EDA: variants seen among roughly 807,000 people sequenced by gnomAD.
EDA encodes ectodysplasin A.
In EDA, 2 loss-of-function variants were observed where a neutral mutation model predicts 23.6. The ratio of observed to expected loss-of-function variants is 0.08; its 90% CI spans 0.03 to 0.27. EDA has a LOEUF of 0.27. Ranked by LOEUF, EDA falls within the 10% of genes least tolerant of loss-of-function variation. EDA has a pLI of 1.00. For missense variants in EDA, 229 were observed against 324.2 expected (o/e 0.71, Z 2.26); for synonymous variants, 131 against 132.0 (o/e 0.99, Z 0.05).
chrX:69,843,478 A>G (rs965739555), intron 1 of EDA, among the ~76,000 whole-genome samples: 1 of 111,723 alleles, frequency 9.0e-6, no homozygotes. Flanking sequence ...CTCTTTAGTC[A>G]TACTCACCAT....
intron 2 of EDA, among the ~76,000 whole-genome samples, chrX:69,981,336 A>G (rs1320902318): frequency 8.9e-6 from 1 of 112,014 alleles, no homozygotes; most frequent in Non-Finnish European, 1.9e-5. Context: ...GTACTGTAGA[A>G]TAGAAGAGAA....
intron 1 of EDA, among the ~76,000 whole-genome samples, chrX:69,857,995 G>T (rs1368343520): frequency 1.8e-5 from 2 of 111,675 alleles, no homozygotes; most frequent in African/African-American, 6.5e-5. Flanking sequence ...TGTGGCAATT[G>T]TGAATGAGAT....
At chrX:69,622,702 G>T (rs1387300828) in intron 1 of EDA, among the ~76,000 whole-genome samples, 1 of 111,563 alleles carries the variant, frequency 9.0e-6, no homozygotes, top group African/African-American at 3.2e-5. Context: ...TAATTTTAAT[G>T]TGTTTAATTT....
intron 1 of EDA, chrX:69,692,984 T>C (rs1053035024): frequency 8.0e-5 from 9 of 112,047 alleles, no homozygotes; most frequent in African/African-American, 1.9e-4. Flanking sequence ...ATCATTTCTA[T>C]AGTTTATTAC....
At chrX:69,903,395 A>T (rs1214658791) in intron 1 of EDA, among the ~76,000 whole-genome samples, 1 of 111,354 alleles carries the variant, frequency 9.0e-6, no homozygotes, top group Non-Finnish European at 1.9e-5. Context: ...CAATGAAAAA[A>T]ATGTTTGTTA....
chrX:69,937,895 G>A (rs142263610), intron 1 of EDA: 34 of 1,197,481 alleles, frequency 2.8e-5, no homozygotes, highest in Non-Finnish European at 3.6e-5. Flanking sequence ...CTGGAAACTC[G>A]GTGTCCATAG....
intron 1 of EDA, among the ~76,000 whole-genome samples, chrX:69,790,180 G>GA (rs763457080): frequency 1.8e-5 from 2 of 110,905 alleles, no homozygotes; most frequent in South Asian, 7.6e-4. Flanking sequence ...AATGCCATGA[G>GA]AAGACCCCTT....
intron 1 of EDA, among the ~76,000 whole-genome samples, chrX:69,945,748 A>G (rs1057223045): frequency 9.0e-6 from 1 of 111,568 alleles, no homozygotes; most frequent in African/African-American, 3.3e-5. Context: ...TACTTTCTTC[A>G]CTCACTTTCA....
At chrX:69,813,588 C>T (rs911608726) in intron 1 of EDA, among the ~76,000 whole-genome samples, 11 of 111,912 alleles carry the variant, frequency 9.8e-5, no homozygotes, top group African/African-American at 3.6e-4. Flanking sequence ...TATCTATCTT[C>T]GGTCTCCAGC....
chrX:69,773,007 C>A (rs894499365), intron 1 of EDA, among the ~76,000 whole-genome samples: 1 of 111,664 alleles, frequency 9.0e-6, no homozygotes, highest in African/African-American at 3.3e-5. Context: ...CCCCAAAAAA[C>A]CCTCTATCCA....
At chrX:69,730,398 A>G (rs2012978353) in intron 1 of EDA, among the ~76,000 whole-genome samples, 1 of 111,785 alleles carries the variant, frequency 8.9e-6, no homozygotes, top group East Asian at 2.8e-4. Flanking sequence ...AGCTAAGGGC[A>G]TTATATACAC....
Position 70,027,962 on chromosome X carries a change from C to T in EDA, c.632C>T (p.Thr211Ile). The T allele has an allele frequency of 1.7e-6, 2 of 1,188,699 alleles. No individual in the cohort carries two copies. The highest frequency in any genetic ancestry group is 2.3e-6 in the Non-Finnish European group (2 of 883,919). Residue 211 changes from threonine to isoleucine, a missense_variant, in exon 4 of 8, where the codon ACA becomes ATA. By Grantham distance (89) the Thr-to-Ile change is moderately conservative. Coordinates refer to ENST00000374552, the MANE Select transcript of EDA (RefSeq NM_001399.5). ...GIPGIPGIPG[T>I]TVMGPPGPPG... Reference sequence around the variant, plus strand: ...CCAGGGATTCCTGGAATTCCAGGAACAACTGTTATGGGACCACCTGGTCCT... The same window carrying T: ...CCAGGGATTCCTGGAATTCCAGGAATAACTGTTATGGGACCACCTGGTCCT...
At chrX:69,730,211 G>T (rs2012969389) in intron 1 of EDA, among the ~76,000 whole-genome samples, 1 of 111,120 alleles carries the variant, frequency 9.0e-6, no homozygotes, top group Non-Finnish European at 1.9e-5. Context: ...GAGGGTCTTT[G>T]AGGATGGGGA....
At chrX:69,751,326 G>C (rs1407065631) in intron 1 of EDA, among the ~76,000 whole-genome samples, 1 of 112,063 alleles carries the variant, frequency 8.9e-6, no homozygotes, top group South Asian at 3.6e-4. Flanking sequence ...TCAAAGATCA[G>C]ATGGTTGTAG....
intron 1 of EDA, among the ~76,000 whole-genome samples, chrX:69,883,436 G>T (rs937407327): frequency 4.5e-5 from 5 of 111,949 alleles, no homozygotes; most frequent in African/African-American, 1.3e-4. Context: ...GTGGGCAGAT[G>T]AATTCTAGAA....
chrX:69,748,599 A>G (rs1163732506), intron 1 of EDA, among the ~76,000 whole-genome samples: 2 of 111,880 alleles, frequency 1.8e-5, no homozygotes, highest in Non-Finnish European at 1.9e-5. Flanking sequence ...AGGATAATCA[A>G]TACACCAACT....
intron 1 of EDA, among the ~76,000 whole-genome samples, chrX:69,774,791 G>A (rs1044115146): frequency 9.0e-6 from 1 of 111,441 alleles, no homozygotes; most frequent in African/African-American, 3.3e-5. Flanking sequence ...GGAGATCAAC[G>A]TAATTATCTT....
chrX:70,001,709 G>A (rs1277284964), intron 2 of EDA, among the ~76,000 whole-genome samples: 1 of 112,560 alleles, frequency 8.9e-6, no homozygotes, highest in Non-Finnish European at 1.9e-5. Context: ...TTTGATTCAT[G>A]TGCATACTGC....
At chrX:69,752,444 A>G (rs2013920019) in intron 1 of EDA, among the ~76,000 whole-genome samples, 1 of 111,691 alleles carries the variant, frequency 9.0e-6, no homozygotes, top group African/African-American at 3.3e-5. Context: ...ATCCTGGTGG[A>G]TAAGCTTTTT....
Sources: allele counts gnomAD v4.1 joint callset (sites outside exome capture counted in the v4.1 genomes callset), GRCh38; gene constraint gnomAD v4.1.1; transcripts MANE v1.5; gene names NCBI Gene and HGNC (gene_info 2026-07-23, HGNC 2026-07-21).